The following PPP1R14A variants were observed in gnomAD, a reference collection of about 807,000 sequenced individuals.
The protein encoded by PPP1R14A is protein phosphatase 1 regulatory inhibitor subunit 14A.
PPP1R14A carries 9 observed loss-of-function variants against 14.1 expected under a neutral mutation model. The observed-to-expected ratio is 0.64, with a 90% CI of 0.38 to 1.11. The LOEUF (loss-of-function observed/expected upper bound fraction) is 1.11. PPP1R14A is among the 50% of genes most tolerant of loss of function. PPP1R14A has a pLI of 0.01. For synonymous variants in PPP1R14A, 93 were observed against 88.7 expected, an observed-to-expected ratio of 1.05 and a Z score of -0.27; for missense variants, 208 against 200.7, an observed-to-expected ratio of 1.04 and a Z score of -0.22.
At position 38,251,252 on chromosome 19, in the gene PPP1R14A, C is replaced by A; in HGVS notation, c.*66G>T. On this transcript the variant is annotated 3_prime_UTR_variant, in exon 4 of 4. Coordinates refer to ENST00000301242, the MANE Select transcript of PPP1R14A (RefSeq NM_033256.3). ...CCACACAGTGTTATTGTTACAGAAC[C>A]ATTAAATACAACTTATACACAAGCA... 7.4e-7 allele frequency: 1 copy of A among 1,343,684 alleles called. No homozygotes were observed. Among genetic ancestry groups the A allele is most frequent in the Non-Finnish European group, 9.6e-7 (1 of 1,043,806 alleles). 83.2% of individuals were successfully genotyped at this position (1,343,684 alleles called of 1,614,324 possible).
intron 1 of PPP1R14A, among the ~76,000 whole-genome samples, chr19:38,255,919 A>T (rs1306894227): frequency 6.7e-6 from 1 of 148,506 alleles, no homozygotes; most frequent in East Asian, 2.0e-4. Flanking sequence ...ATCTCTGGAG[A>T]CCCAAGTCTT....
chr19:38,253,381 G>GGCAGCCA lies in PPP1R14A; in HGVS notation c.202-414_202-408dup, dbSNP rs148223139. The GGCAGCCA allele has an allele frequency of 1.8e-3, 288 of 159,224 alleles. 5 individuals are homozygous for GGCAGCCA. In the East Asian group the frequency reaches 0.038, roughly 21 times the overall value. The allele number at this position is 159,224 out of a possible 1,614,324, so 9.9% of individuals were successfully genotyped here. ...CACTAGGTGCAGGGGAGGAGAGGCT[G>GGCAGCCA]GCAGCCAGCAGCCAGCTGGGGCGGC... On this transcript the variant is annotated intron_variant, in intron 1 of 3. Coordinates refer to ENST00000301242, the MANE Select transcript of PPP1R14A (RefSeq NM_033256.3).
At chr19:38,253,660 G>C (rs1968215645) in intron 1 of PPP1R14A, among the ~76,000 whole-genome samples, 1 of 152,234 alleles carries the variant, frequency 6.6e-6, no homozygotes, top group African/African-American at 2.4e-5. Flanking sequence ...GCTGTCCCCA[G>C]CTGTCGAGGG....
chr19:38,251,288 C>T lies in PPP1R14A; in HGVS notation c.*30G>A, dbSNP rs1441782028. ...ACTTATACACAAGCAAGCTGGGCGGCGTCCGGGGGGCAGGGAGAGTGCAAG... is the reference window on the plus strand; with the variant it reads ...ACTTATACACAAGCAAGCTGGGCGGTGTCCGGGGGGCAGGGAGAGTGCAAG... On this transcript the variant is annotated 3_prime_UTR_variant, in exon 4 of 4. Coordinates refer to ENST00000301242, the MANE Select transcript of PPP1R14A (RefSeq NM_033256.3). 5 of 1,427,594 alleles carry T rather than the reference C, an allele frequency of 3.5e-6. No individual in the cohort carries two copies. The highest frequency in any genetic ancestry group is 3.6e-5 in the Admixed American group (1 of 27,578). The allele number at this position is 1,427,594 out of a possible 1,614,324, so 88.4% of individuals were successfully genotyped here.
chr19:38,254,246 T>C (rs1375762664), intron 1 of PPP1R14A, among the ~76,000 whole-genome samples: 1 of 151,954 alleles, frequency 6.6e-6, no homozygotes, highest in African/African-American at 2.4e-5. Flanking sequence ...CAAGAGAGAA[T>C]TGCTTGAGCC....
At chr19:38,253,588 G>A (rs1186039217) in intron 1 of PPP1R14A, among the ~76,000 whole-genome samples, 15 of 152,176 alleles carry the variant, frequency 9.9e-5, no homozygotes. Flanking sequence ...GCTGAGTGTG[G>A]CCTCTACAGG....
chr19:38,256,238 G>A lies in PPP1R14A; in HGVS notation c.102C>T (p.His34=). Residue 34 remains histidine (H), a synonymous_variant, in exon 1 of 4, where the codon CAC becomes CAT. Transcript: ENST00000301242. This position sits in a 1 kb window ranked among gnomAD's most constrained non-coding sequence, Gnocchi z 5.7. The part of the protein sequence containing the change: ...GGSPGGLQKR[H]ARVTVKYDRR... Reference sequence around the variant, plus strand: ...GGTCATACTTGACGGTGACGCGCGCGTGCCGCTTCTGCAGCCCCCCGGGAC... The same window carrying A: ...GGTCATACTTGACGGTGACGCGCGCATGCCGCTTCTGCAGCCCCCCGGGAC... The A allele has an allele frequency of 6.4e-7, 1 of 1,551,666 alleles. No individual in the cohort carries two copies. The highest frequency in any genetic ancestry group is 8.7e-7 in the Non-Finnish European group (1 of 1,153,302).
At position 38,252,842 on chromosome 19, in the gene PPP1R14A, AT is replaced by A; in HGVS notation, c.282+51del. On this transcript the variant is annotated intron_variant, in intron 2 of 3. Transcript: ENST00000301242. This position sits in a 1 kb window ranked among gnomAD's most constrained non-coding sequence, Gnocchi z 4.1. Reference sequence around the variant, plus strand: ...AGTAAACACGTGAACTATTGCTATTATTTTTAGGGAGGTGCAAAGTGGGAGG... The same window carrying A: ...AGTAAACACGTGAACTATTGCTATTATTTTAGGGAGGTGCAAAGTGGGAGG... 3.0e-6 allele frequency: 4 copies of A among 1,311,910 alleles called. No homozygotes were observed. The highest frequency in any genetic ancestry group is 1.8e-4 in the Middle Eastern group (1 of 5,420). The allele number at this position is 1,311,910 out of a possible 1,614,324, so 81.3% of individuals were successfully genotyped here.
At chr19:38,253,049 G>T in intron 1 of PPP1R14A, 75 bp from the exon 2 acceptor site, 1 of 1,165,404 alleles carries the variant, frequency 8.6e-7, no homozygotes. Flanking sequence ...CTCTGCAGGA[G>T]CCCCACCGGC....
chr19:38,251,800 G>C, intron 3 of PPP1R14A: 1 of 374,924 alleles, frequency 2.7e-6, no homozygotes, highest in Non-Finnish European at 4.8e-6. Flanking sequence ...TGTGGAGACA[G>C]GTCCCCAGAG....
Position 38,251,309 on chromosome 19 carries a change from G to T in PPP1R14A, c.*9C>A. On this transcript the variant is annotated 3_prime_UTR_variant, in exon 4 of 4. Transcript: ENST00000301242. The stretch of plus-strand genomic sequence containing the variant: ...GCGGCGTCCGGGGGGCAGGGAGAGT[G>T]CAAGAGGGTCAGGGGTGAGCAGTCC... The T allele has an allele frequency of 6.8e-7, 1 of 1,477,940 alleles. No homozygotes were observed. The highest frequency in any genetic ancestry group is 8.9e-7 in the Non-Finnish European group (1 of 1,126,484). The allele number at this position is 1,477,940 out of a possible 1,614,324, so 91.6% of individuals were successfully genotyped here.
chr19:38,254,470 A>G (rs2146256413), intron 1 of PPP1R14A, among the ~76,000 whole-genome samples: 1 of 151,944 alleles, frequency 6.6e-6, no homozygotes, highest in Non-Finnish European at 1.5e-5. Context: ...ATGCCCGGCT[A>G]ATTTTTGTAA....
chr19:38,255,872 A>G (rs577404118), intron 1 of PPP1R14A, among the ~76,000 whole-genome samples: 26 of 149,230 alleles, frequency 1.7e-4, no homozygotes, highest in Non-Finnish European at 3.1e-4. Flanking sequence ...CTCCCTCCTC[A>G]TGCTAAACCC....
At position 38,252,490 on chromosome 19, in the gene PPP1R14A, G is replaced by C; in HGVS notation, c.283-152C>G. On this transcript the variant is annotated intron_variant, in intron 2 of 3. Coordinates refer to ENST00000301242, the MANE Select transcript of PPP1R14A (RefSeq NM_033256.3). The surrounding 1 kb of genome is among the most constrained non-coding windows in gnomAD (Gnocchi z 4.1). ...CCCACCAAGCTTCAAGAGAGGAACAGAGCCCAAGGGGCATGTGGATCGACT... is the reference window on the plus strand; with the variant it reads ...CCCACCAAGCTTCAAGAGAGGAACACAGCCCAAGGGGCATGTGGATCGACT... 1.3e-6 allele frequency: 1 copy of C among 772,354 alleles called. No homozygotes were observed. Among genetic ancestry groups the C allele is most frequent in the Non-Finnish European group, 2.2e-6 (1 of 464,732 alleles). The allele number at this position is 772,354 out of a possible 1,614,324, so 47.8% of individuals were successfully genotyped here.
Position 38,252,177 on chromosome 19 carries a change from G to A in PPP1R14A, c.315+129C>T, listed in dbSNP as rs1004176131. ...CTGGAGACCAGAAAGAGCTGCGGAG[G>A]GCAGGTTGGGGCCGGGGGTGGTGGG... On this transcript the variant is annotated intron_variant, in intron 3 of 3. Coordinates refer to ENST00000301242, the MANE Select transcript of PPP1R14A (RefSeq NM_033256.3). This position sits in a 1 kb window ranked among gnomAD's most constrained non-coding sequence, Gnocchi z 4.1. The A allele has an allele frequency of 7.6e-6, 6 of 794,304 alleles. No individual in the cohort carries two copies. Among genetic ancestry groups the A allele is most frequent in the Non-Finnish European group, 1.3e-5 (6 of 473,604 alleles). The allele number at this position is 794,304 out of a possible 1,614,324, so 49.2% of individuals were successfully genotyped here.
Position 38,252,744 on chromosome 19 carries a change from G to A in PPP1R14A, c.282+150C>T. 1 of 713,360 alleles carries A rather than the reference G, an allele frequency of 1.4e-6. No homozygotes were observed. Among genetic ancestry groups the A allele is most frequent in the Non-Finnish European group, 2.5e-6 (1 of 401,784 alleles). 44.2% of individuals were successfully genotyped at this position (713,360 alleles called of 1,614,324 possible). ...AGCTCACACTAGCGCCTGCTTCGGAGGGTTTTGTGAGGGTTAAGTGAGTGA... is the reference window on the plus strand; with the variant it reads ...AGCTCACACTAGCGCCTGCTTCGGAAGGTTTTGTGAGGGTTAAGTGAGTGA... On this transcript the variant is annotated intron_variant, in intron 2 of 3. Transcript: ENST00000301242. This position sits in a 1 kb window ranked among gnomAD's most constrained non-coding sequence, Gnocchi z 4.1.
chr19:38,251,293 G>A lies in PPP1R14A; in HGVS notation c.*25C>T, dbSNP rs762474469. ...TACACAAGCAAGCTGGGCGGCGTCC[G>A]GGGGGCAGGGAGAGTGCAAGAGGGT... is the stretch of plus-strand genomic sequence containing the variant. On this transcript the variant is annotated 3_prime_UTR_variant, in exon 4 of 4. Transcript: ENST00000301242. 2.6e-5 allele frequency: 37 copies of A among 1,434,310 alleles called. No individual in the cohort carries two copies. The Middle Eastern group carries it at 5.4e-4, about 21-fold the overall frequency. The allele number at this position is 1,434,310 out of a possible 1,614,324, so 88.8% of individuals were successfully genotyped here.
intron 1 of PPP1R14A, among the ~76,000 whole-genome samples, chr19:38,254,253 A>G (rs1465357637): frequency 6.6e-6 from 1 of 152,088 alleles, no homozygotes; most frequent in African/African-American, 2.4e-5. Flanking sequence ...GAATTGCTTG[A>G]GCCTAGGAGT....
intron 1 of PPP1R14A, 77 bp from the exon 2 acceptor site, chr19:38,253,051 C>T: frequency 1.7e-6 from 2 of 1,170,216 alleles, no homozygotes; most frequent in Non-Finnish European, 2.5e-6. Context: ...CTGCAGGAGC[C>T]CCACCGGCCC....
Sources: gnomAD v4.1 joint callset for allele counts (sites outside exome capture counted in the v4.1 genomes callset) on GRCh38, gnomAD v4.1.1 for gene constraint, Gnocchi (gnomAD v3.1) non-coding constraint, MANE v1.5 for transcripts, NCBI Gene and HGNC (gene_info 2026-07-23, HGNC 2026-07-21) for gene names.